Variants in FBLN7 observed in about 807,000 individuals in gnomAD.
FBLN7 encodes the protein fibulin-7.
Under a neutral mutation model 44.0 loss-of-function variants are expected in FBLN7, and 31 were observed. The observed-to-expected ratio is 0.70, with a 90% CI of 0.53 to 0.95. The LOEUF (loss-of-function observed/expected upper bound fraction) is 0.95, where lower values mean the gene tolerates loss of function less well. Among genes scored for constraint, FBLN7 ranks in the 40% least tolerant of loss-of-function variants. FBLN7 has a pLI of 0.00. For missense variants in FBLN7, 573 were observed against 618.5 expected, an observed-to-expected ratio of 0.93 and a Z score of 0.78; for synonymous variants, 262 against 253.4, an observed-to-expected ratio of 1.03 and a Z score of -0.32.
At chr2:112,237,475 T>C in the FBLN7 span, among the ~76,000 whole-genome samples, 1 of 152,190 alleles carries the variant, frequency 6.6e-6, no homozygotes, top group African/African-American at 2.4e-5. Context: ...TATCCTGCAA[T>C]GGCATAATCA....
chr2:112,181,286 C>T (rs556598316), intron 4 of FBLN7, among the ~76,000 whole-genome samples: 1 of 152,092 alleles, frequency 6.6e-6, no homozygotes, highest in South Asian at 2.1e-4. Flanking sequence ...ACGTGTTTAT[C>T]TATGTAACAA....
chr2:112,234,077 C>A, the FBLN7 span: 4 of 1,088,582 alleles, frequency 3.7e-6, no homozygotes, highest in East Asian at 5.4e-5. Flanking sequence ...ACAGAAAGAG[C>A]AGTTTTACAT....
At chr2:112,213,572 C>G in the FBLN7 span, 1 of 151,318 alleles carries the variant, frequency 6.6e-6, no homozygotes, top group African/African-American at 2.4e-5. Flanking sequence ...GTCAGGAGAT[C>G]GAGACCATCT....
chr2:112,190,151 T>C (rs1208698838), downstream of FBLN7: 1 of 152,236 alleles, frequency 6.6e-6, no homozygotes, highest in Non-Finnish European at 1.5e-5. Context: ...CTATTTCTTA[T>C]AAATCTAGAG....
chr2:112,228,540 C>T, the FBLN7 span, among the ~76,000 whole-genome samples: 1 of 149,490 alleles, frequency 6.7e-6, no homozygotes, highest in Non-Finnish European at 1.5e-5. Context: ...TGGACATCTA[C>T]ATGTAAAAAA....
the FBLN7 span, chr2:112,230,842 A>G: frequency 1.7e-5 from 19 of 1,127,342 alleles, no homozygotes; most frequent in Non-Finnish European, 2.1e-5. Flanking sequence ...TTGAGGTTGC[A>G]TGCCAACTTC....
At chr2:112,174,518 CACACA>C (rs905364330) in intron 3 of FBLN7, among the ~76,000 whole-genome samples, 6 of 152,180 alleles carry the variant, frequency 3.9e-5, no homozygotes, top group African/African-American at 4.8e-5. Flanking sequence ...TCTTGATAGA[CACACA>C]GGAAAGGCTG....
the FBLN7 span, among the ~76,000 whole-genome samples, chr2:112,219,330 AG>A: frequency 6.6e-6 from 1 of 152,214 alleles, no homozygotes; most frequent in Non-Finnish European, 1.5e-5. Flanking sequence ...CATTCAATGA[AG>A]GAAGGACGGT....
the FBLN7 span, among the ~76,000 whole-genome samples, chr2:112,222,193 TG>T: frequency 6.6e-6 from 1 of 152,204 alleles, no homozygotes. Flanking sequence ...TTCTTGTCCA[TG>T]GGGCTCTCCC....
chr2:112,147,981 G>A (rs1239663916), intron 1 of FBLN7, among the ~76,000 whole-genome samples: 4 of 152,064 alleles, frequency 2.6e-5, no homozygotes, highest in Non-Finnish European at 4.4e-5. Context: ...AAGCTGACCC[G>A]CGCTCTCTCC....
the FBLN7 span, among the ~76,000 whole-genome samples, chr2:112,198,669 A>C: frequency 2.8e-5 from 4 of 142,750 alleles, no homozygotes; most frequent in Non-Finnish European, 6.2e-5. Flanking sequence ...GAAAGAAAGA[A>C]ACCCAGAGTG....
intron 1 of FBLN7, among the ~76,000 whole-genome samples, chr2:112,156,158 T>A (rs1681411160): frequency 6.6e-6 from 1 of 152,170 alleles, no homozygotes; most frequent in Non-Finnish European, 1.5e-5. Flanking sequence ...GTGAGAAATC[T>A]ACTGTGGGGC....
the FBLN7 span, among the ~76,000 whole-genome samples, chr2:112,225,316 C>T: frequency 2.6e-5 from 4 of 152,072 alleles, no homozygotes; most frequent in African/African-American, 9.7e-5. Context: ...TTTTGAAAGA[C>T]TATAGACAAC....
the FBLN7 span, among the ~76,000 whole-genome samples, chr2:112,210,993 G>A: frequency 3.3e-5 from 5 of 152,192 alleles, no homozygotes; most frequent in Non-Finnish European, 7.3e-5. Flanking sequence ...ACTCATTCAG[G>A]TTGCTGATAA....
intron 2 of FBLN7, among the ~76,000 whole-genome samples, chr2:112,160,886 A>G (rs1459784956): frequency 1.3e-5 from 2 of 152,138 alleles, no homozygotes; most frequent in African/African-American, 4.8e-5. Flanking sequence ...AGCCAGTGCA[A>G]TACACTGGTT....
the FBLN7 span, among the ~76,000 whole-genome samples, chr2:112,203,316 G>A: frequency 6.6e-6 from 1 of 152,160 alleles, no homozygotes; most frequent in African/African-American, 2.4e-5. Context: ...AAGACTGGAA[G>A]ACTCATATGT....
the FBLN7 span, among the ~76,000 whole-genome samples, chr2:112,236,094 T>A: frequency 6.6e-6 from 1 of 151,824 alleles, no homozygotes; most frequent in African/African-American, 2.4e-5. Context: ...CGAAACCCTG[T>A]CTCTACTAAA....
chr2:112,232,578 T>C, the FBLN7 span, among the ~76,000 whole-genome samples: 1 of 152,154 alleles, frequency 6.6e-6, no homozygotes, highest in Admixed American at 6.5e-5. Context: ...AGCATTCCTT[T>C]GGGGGTGGAG....
chr2:112,215,441 G>A, the FBLN7 span: 1 of 152,132 alleles, frequency 6.6e-6, no homozygotes, highest in African/African-American at 2.4e-5. Flanking sequence ...CCTTTGCTTG[G>A]AGTATATGCA....
Sources: allele counts gnomAD v4.1 joint callset (sites outside exome capture counted in the v4.1 genomes callset), GRCh38; gene constraint gnomAD v4.1.1; transcripts MANE v1.5; gene names NCBI Gene and HGNC (gene_info 2026-07-23, HGNC 2026-07-21).